Variants in CCDC73 observed in about 807,000 individuals in gnomAD.
The protein encoded by CCDC73 is coiled-coil domain containing 73, also known as coiled-coil domain-containing protein 73.
CCDC73 carries 95 observed loss-of-function variants against 116.5 expected under a neutral mutation model. The ratio of observed to expected loss-of-function variants is 0.82; its 90% CI spans 0.69 to 0.97. CCDC73 has a LOEUF of 0.97. Among genes scored for constraint, CCDC73 ranks in the 50% least tolerant of loss-of-function variants. The probability of loss-of-function intolerance (pLI) is 0.00; values close to 1 mark genes in which losing one functional copy is unlikely to be tolerated. For synonymous variants in CCDC73, 398 were observed against 401.3 expected (o/e 0.99, Z 0.10); for missense variants, 1,066 against 1,206.8 (o/e 0.88, Z 1.73).
chr11:32,612,797 C>T (rs535823186), intron 16 of CCDC73, among the ~76,000 whole-genome samples: 2 of 152,058 alleles, frequency 1.3e-5, no homozygotes, highest in Admixed American at 6.6e-5. Flanking sequence ...CCATGTACTT[C>T]GATACCCATC....
intron 12 of CCDC73, among the ~76,000 whole-genome samples, chr11:32,648,573 C>T (rs568976739): frequency 4.7e-5 from 7 of 147,740 alleles, no homozygotes; most frequent in East Asian, 2.0e-4. Context: ...TTTTTTGAGA[C>T]GGAGTTTCAC....
chr11:32,647,026 C>A (rs946507550), intron 12 of CCDC73, among the ~76,000 whole-genome samples: 1 of 152,106 alleles, frequency 6.6e-6, no homozygotes, highest in Admixed American at 6.6e-5. Context: ...AACATACTTT[C>A]TTAGTTTCTA....
chr11:32,800,271 A>ATTAT, the CCDC73 span, among the ~76,000 whole-genome samples: 55 of 152,090 alleles, frequency 3.6e-4, no homozygotes, highest in Admixed American at 5.9e-4. Context: ...ATGTGAACTT[A>ATTAT]TTATTTATTT....
chr11:32,683,162 T>C (rs115216533), intron 7 of CCDC73: 2 of 229,222 alleles, frequency 8.7e-6, no homozygotes, highest in Non-Finnish European at 1.7e-5. Flanking sequence ...TTTTGGAATA[T>C]TTGCATTATA....
At chr11:32,747,585 C>T (rs1379109789) in intron 2 of CCDC73, among the ~76,000 whole-genome samples, 1 of 152,204 alleles carries the variant, frequency 6.6e-6, no homozygotes, top group Non-Finnish European at 1.5e-5. Flanking sequence ...GTTGGCTCTA[C>T]CCAGTTCAAG....
chr11:32,696,021 G>A (rs1856308274), intron 6 of CCDC73, among the ~76,000 whole-genome samples: 2 of 151,926 alleles, frequency 1.3e-5, no homozygotes, highest in African/African-American at 4.8e-5. Flanking sequence ...ATTTTAACCT[G>A]GATATGTGAG....
intron 9 of CCDC73, among the ~76,000 whole-genome samples, chr11:32,673,878 A>G (rs1334886824): frequency 1.3e-5 from 2 of 152,218 alleles, no homozygotes; most frequent in East Asian, 3.8e-4. Flanking sequence ...GAAGGTCAAG[A>G]AGAGAGGTTA....
rs1475646696 is a variant in CCDC73 at position 32,614,776 on chromosome 11, T to C, written c.1542A>G (p.Thr514=). 6.2e-7 allele frequency: 1 copy of C among 1,613,310 alleles called. No homozygotes were observed. The highest frequency in any genetic ancestry group is 8.5e-7 in the Non-Finnish European group (1 of 1,179,668). The change falls in exon 16 of 18, where the codon ACA becomes ACG. Residue 514 remains threonine, a synonymous_variant. Coordinates refer to ENST00000335185, the MANE Select transcript of CCDC73 (RefSeq NM_001008391.4). ...NVTDNRKSVT[T]EIKDKICLEK... ...CCAAGCATATCTTGTCTTTTATTTCTGTAGTAACTGATTTTCTGTTGTCCG... is the reference window on the plus strand; with the variant it reads ...CCAAGCATATCTTGTCTTTTATTTCCGTAGTAACTGATTTTCTGTTGTCCG...
intron 2 of CCDC73, among the ~76,000 whole-genome samples, chr11:32,746,919 A>T (rs779305778): frequency 1.3e-5 from 2 of 152,058 alleles, no homozygotes; most frequent in African/African-American, 2.4e-5. Context: ...TCTGAAGCCT[A>T]CTTCTGTCGA....
chr11:32,807,416 A>G, the CCDC73 span, among the ~76,000 whole-genome samples: 1 of 152,174 alleles, frequency 6.6e-6, no homozygotes, highest in Non-Finnish European at 1.5e-5. Context: ...CTACCTAGAA[A>G]TGAGGCCAAC....
intron 14 of CCDC73, among the ~76,000 whole-genome samples, chr11:32,624,372 TAA>T (rs559408072): frequency 3.6e-4 from 55 of 151,376 alleles, no homozygotes; most frequent in South Asian, 1.2e-3. Flanking sequence ...AAATAAATTA[TAA>T]GTGAGAAAGC....
chr11:32,718,863 G>A (rs1441437497), intron 2 of CCDC73, among the ~76,000 whole-genome samples: 4 of 152,150 alleles, frequency 2.6e-5, no homozygotes, highest in African/African-American at 4.8e-5. Context: ...GGGAGGGGCA[G>A]GAATACATGC....
the CCDC73 span, among the ~76,000 whole-genome samples, chr11:32,814,888 A>G: frequency 2.0e-5 from 3 of 152,224 alleles, no homozygotes; most frequent in East Asian, 5.8e-4. Context: ...GTGTGGATGA[A>G]CCTTGAAAAC....
chr11:32,615,092 C>T (rs570751836), intron 15 of CCDC73, 150 bp from the exon 16 acceptor site: 13 of 501,186 alleles, frequency 2.6e-5, no homozygotes, highest in Middle Eastern at 5.3e-4. Context: ...ATCAATATTA[C>T]CTAAATACTG....
intron 6 of CCDC73, among the ~76,000 whole-genome samples, chr11:32,689,875 G>A (rs1167656172): frequency 2.0e-5 from 3 of 151,986 alleles, no homozygotes; most frequent in African/African-American, 4.8e-5. Flanking sequence ...GGCGCCTGTG[G>A]TCCAAGCTGC....
At chr11:32,666,593 G>C (rs138495440) in intron 9 of CCDC73, among the ~76,000 whole-genome samples, 1 of 152,116 alleles carries the variant, frequency 6.6e-6, no homozygotes, top group Non-Finnish European at 1.5e-5. Context: ...GCTTCTTTGC[G>C]ATGGGTTCGA....
At chr11:32,729,202 G>A (rs1017635210) in intron 2 of CCDC73, among the ~76,000 whole-genome samples, 1 of 152,118 alleles carries the variant, frequency 6.6e-6, no homozygotes, top group Non-Finnish European at 1.5e-5. Context: ...TCCAGTGTAT[G>A]TTGTTCCCCA....
At chr11:32,800,988 T>C in the CCDC73 span, among the ~76,000 whole-genome samples, 3 of 152,180 alleles carry the variant, frequency 2.0e-5, no homozygotes, top group African/African-American at 7.2e-5. Flanking sequence ...CTGATGTGAT[T>C]TGTGAAATCA....
At chr11:32,785,091 G>A (rs912613981) in intron 1 of CCDC73, among the ~76,000 whole-genome samples, 11 of 152,000 alleles carry the variant, frequency 7.2e-5, no homozygotes, top group African/African-American at 1.4e-4. Flanking sequence ...ACTTGAACCC[G>A]GGAGGTAGAG....
Sources: allele counts gnomAD v4.1 joint callset (sites outside exome capture counted in the v4.1 genomes callset), GRCh38; gene constraint gnomAD v4.1.1; transcripts MANE v1.5; gene names NCBI Gene and HGNC (gene_info 2026-07-23, HGNC 2026-07-21).